The following CACNA2D3 variants were observed in gnomAD, a reference collection of about 807,000 sequenced individuals.
The protein encoded by CACNA2D3 is voltage-dependent calcium channel subunit alpha-2/delta-3.
Under a neutral mutation model 160.6 loss-of-function variants are expected in CACNA2D3, and 60 were observed. That is an observed-to-expected ratio of 0.37 (90% confidence interval 0.30 to 0.46). The LOEUF (loss-of-function observed/expected upper bound fraction) is 0.46, where lower values mean the gene tolerates loss of function less well. CACNA2D3 is among the 20% of genes least tolerant of loss of function. CACNA2D3 has a pLI of 1.00. For missense variants in CACNA2D3, 1,205 were observed against 1,365.0 expected, an observed-to-expected ratio of 0.88 and a Z score of 1.85; for synonymous variants, 558 against 492.9, an observed-to-expected ratio of 1.13 and a Z score of -1.75.
At chr3:54,304,219 A>G (rs1262158089) in intron 2 of CACNA2D3, among the ~76,000 whole-genome samples, 2 of 152,110 alleles carry the variant, frequency 1.3e-5, no homozygotes, top group Admixed American at 1.3e-4. Flanking sequence ...TGCAGGACAG[A>G]ATGGTCCCTG....
At position 54,987,707 on chromosome 3, in the gene CACNA2D3, G is replaced by C. The variant is rs766164705; in HGVS notation, c.2644G>C (p.Glu882Gln). 1 of 1,610,132 alleles carries C rather than the reference G, an allele frequency of 6.2e-7. No homozygotes were observed. Among genetic ancestry groups the C allele is most frequent in the African/African-American group, 1.3e-5 (1 of 74,572 alleles). ...GACTGGAGACTTTTTTGGTGAGATCGAGGGAGCTGTGATGAACAAATTGCT... is the reference window on the plus strand; with the variant it reads ...GACTGGAGACTTTTTTGGTGAGATCCAGGGAGCTGTGATGAACAAATTGCT... The part of the protein sequence containing the change: ...TQTGDFFGEI[E>Q]GAVMNKLLTM... Residue 882 changes from glutamate (E) to glutamine (Q), a missense_variant, in exon 31 of 38, where the codon GAG (glutamate) becomes CAG (glutamine). Around this residue, in one of 3 missense-constraint regions of CACNA2D3, gnomAD observed 911 missense variants for 1,002.2 expected, o/e 0.91. Transcript: ENST00000474759.
At position 54,431,637 on chromosome 3, in the gene CACNA2D3, C is replaced by A. The variant is rs74723061; in HGVS notation, c.381+44863C>A. Among the ~76,000 whole-genome samples the A allele has an allele frequency of 3.8e-3, 584 of 152,184 alleles. 20 individuals carry two copies. In the East Asian group the frequency reaches 0.075, roughly 19 times the overall value. On this transcript the variant is annotated intron_variant, in intron 4 of 37. Transcript: ENST00000474759. ...TGGCTTTATTTTTATTTATTTTAGA[C>A]AGTCTCGCTGTGTTGCCCAGGCTGG...
chr3:54,918,893 C>T (rs764660186), intron 27 of CACNA2D3: 26 of 1,518,698 alleles, frequency 1.7e-5, no homozygotes, highest in Non-Finnish European at 2.3e-5. Context: ...GTTAGTCCCC[C>T]TTTAAAAAAC....
intron 12 of CACNA2D3, among the ~76,000 whole-genome samples, chr3:54,756,467 T>C (rs529435522): frequency 6.6e-6 from 1 of 152,302 alleles, no homozygotes; most frequent in South Asian, 2.1e-4. Flanking sequence ...TCTCAGATTG[T>C]TATAGTATGG....
chr3:54,709,891 C>A (rs190617473), intron 11 of CACNA2D3, among the ~76,000 whole-genome samples: 234 of 152,290 alleles, frequency 1.5e-3, no homozygotes, highest in Non-Finnish European at 2.7e-3. Flanking sequence ...TGCCACTGCA[C>A]TCTAGCCTGC....
chr3:54,416,363 T>C (rs1699754271), intron 4 of CACNA2D3, among the ~76,000 whole-genome samples: 2 of 152,156 alleles, frequency 1.3e-5, no homozygotes, highest in South Asian at 4.1e-4. Flanking sequence ...CCCAATAGGA[T>C]TCTTTTTGTC....
rs531541978 is a variant in CACNA2D3 at position 54,135,938 on chromosome 3, G to A, written c.204+12344G>A. Among the ~76,000 whole-genome samples, 9 of 152,376 alleles carry A rather than the reference G, an allele frequency of 5.9e-5. No homozygotes were observed. The South Asian group carries it at 1.9e-3, about 32-fold the overall frequency. ...CCCGGGCCAGTGTATTGAGGCCACA[G>A]ATGGAAGAAGGGTTCCACGTCCCAC... On this transcript the variant is annotated intron_variant, in intron 2 of 37. Coordinates refer to ENST00000474759, the MANE Select transcript of CACNA2D3 (RefSeq NM_018398.3).
At chr3:54,612,687 G>A (rs1185456212) in intron 9 of CACNA2D3, among the ~76,000 whole-genome samples, 1 of 152,188 alleles carries the variant, frequency 6.6e-6, no homozygotes, top group Non-Finnish European at 1.5e-5. Context: ...TCAAAAAGTA[G>A]ATAAGGTCCA....
At chr3:54,827,315 C>T (rs2703021) in intron 14 of CACNA2D3, among the ~76,000 whole-genome samples, 3,150 of 152,262 alleles carry the variant, frequency 0.021, 102 homozygotes, top group African/African-American at 0.07. Context: ...TTCACAGCAA[C>T]GTTTGGTAGC....
At chr3:54,903,389 T>C (rs1407889437) in intron 27 of CACNA2D3, among the ~76,000 whole-genome samples, 2 of 152,226 alleles carry the variant, frequency 1.3e-5, no homozygotes, top group Non-Finnish European at 2.9e-5. Flanking sequence ...CCTGATCTCA[T>C]TCTTTTTTTA....
intron 13 of CACNA2D3, among the ~76,000 whole-genome samples, chr3:54,770,162 T>G (rs1368139787): frequency 3.9e-5 from 6 of 152,230 alleles, no homozygotes; most frequent in African/African-American, 1.4e-4. Context: ...TATTATTATT[T>G]TTCTATAAAT....
At position 54,899,822 on chromosome 3, in the gene CACNA2D3, T is replaced by C. The variant is rs1417201361; in HGVS notation, c.2403T>C (p.Ser801=). 1.9e-6 allele frequency: 3 copies of C among 1,609,210 alleles called. No homozygotes were observed. The highest frequency in any genetic ancestry group is 2.5e-6 in the Non-Finnish European group (3 of 1,177,872). ...PVNKSNVVTA[S]TSIQLLDERK... ...ATAAAAGCAATGTGGTGACAGCAAG[T>C]ACATCCATCCAGCTCCTGGATGAAC... The change falls in exon 27 of 38, where the codon AGT becomes AGC. Residue 801 remains serine, a synonymous_variant. Transcript: ENST00000474759.
chr3:55,032,165 A>T (rs907209881), intron 35 of CACNA2D3, among the ~76,000 whole-genome samples: 1 of 152,150 alleles, frequency 6.6e-6, no homozygotes, highest in Non-Finnish European at 1.5e-5. Flanking sequence ...AACTCTCCTG[A>T]CCAATCTAAC....
chr3:55,052,434 A>T (rs1015575812), intron 35 of CACNA2D3, among the ~76,000 whole-genome samples: 1 of 141,286 alleles, frequency 7.1e-6, no homozygotes, highest in Middle Eastern at 3.6e-3. Context: ...ATATACACAT[A>T]TATATGTATA....
intron 2 of CACNA2D3, among the ~76,000 whole-genome samples, chr3:54,170,488 G>A (rs1432002454): frequency 6.6e-6 from 1 of 152,258 alleles, no homozygotes; most frequent in African/African-American, 2.4e-5. Flanking sequence ...AGGGCCACTC[G>A]GAAGCACAGT....
At chr3:54,714,300 C>T (rs1215452585) in intron 11 of CACNA2D3, among the ~76,000 whole-genome samples, 1 of 152,148 alleles carries the variant, frequency 6.6e-6, no homozygotes, top group African/African-American at 2.4e-5. Context: ...AGTTCAGAAG[C>T]AAAGTCATCA....
At chr3:54,664,723 C>G (rs1351431709) in intron 11 of CACNA2D3, among the ~76,000 whole-genome samples, 1 of 152,168 alleles carries the variant, frequency 6.6e-6, no homozygotes, top group African/African-American at 2.4e-5. Context: ...GTGGTGAGAC[C>G]TCCTGTAGAT....
chr3:54,177,985 A>T (rs1320732708), intron 2 of CACNA2D3: 1 of 152,176 alleles, frequency 6.6e-6, no homozygotes, highest in Non-Finnish European at 1.5e-5. Flanking sequence ...ATGGAAATAG[A>T]ATTAGGAGAT....
intron 5 of CACNA2D3, among the ~76,000 whole-genome samples, chr3:54,510,416 C>T (rs1008788712): frequency 2.0e-5 from 3 of 152,202 alleles, no homozygotes; most frequent in Non-Finnish European, 4.4e-5. Context: ...TCCACAGCCT[C>T]TGTTCTAGAG....
Sources: allele counts gnomAD v4.1 joint callset (sites outside exome capture counted in the v4.1 genomes callset), GRCh38; gene constraint gnomAD v4.1.1; regional missense constraint gnomAD v4.1.1; transcripts MANE v1.5; gene names NCBI Gene and HGNC (gene_info 2026-07-23, HGNC 2026-07-21).